The following DESI2 variants were observed in gnomAD, a reference collection of about 807,000 sequenced individuals.
DESI2 encodes deubiquitinase DESI2.
Under a neutral mutation model 24.1 loss-of-function variants are expected in DESI2, and 10 were observed. The observed-to-expected ratio is 0.41, with a 90% CI of 0.26 to 0.70. The LOEUF (loss-of-function observed/expected upper bound fraction) is 0.70, where lower values mean the gene tolerates loss of function less well. Among genes scored for constraint, DESI2 ranks in the 30% least tolerant of loss-of-function variants. The pLI, the probability that DESI2 is intolerant of heterozygous loss-of-function variation, is 0.29. For synonymous variants in DESI2, 71 were observed against 87.7 expected, an observed-to-expected ratio of 0.81 and a Z score of 1.06; for missense variants, 122 against 234.9, an observed-to-expected ratio of 0.52 and a Z score of 3.14.
Position 244,653,195 on chromosome 1 carries a change from C to T in DESI2, c.-119C>T. ...TGCTTCCGCCCCGGCTGCCGCGGGC[C>T]GGGCTGTACGCTTAGTGCCCGGCTC... On this transcript the variant is annotated 5_prime_UTR_variant, in exon 1 of 5. Coordinates refer to ENST00000302550, the MANE Select transcript of DESI2 (RefSeq NM_016076.5). The T allele has an allele frequency of 9.5e-7, 1 of 1,053,676 alleles. No homozygotes were observed. Among genetic ancestry groups the T allele is most frequent in the Non-Finnish European group, 1.3e-6 (1 of 789,812 alleles). 65.3% of individuals were successfully genotyped at this position (1,053,676 alleles called of 1,614,324 possible). A position where few individuals can be genotyped will look rare whatever the true frequency, so the allele number is the denominator to read the frequency against.
At chr1:244,676,031 T>C (rs1676403686) in intron 1 of DESI2, among the ~76,000 whole-genome samples, 2 of 152,158 alleles carry the variant, frequency 1.3e-5, no homozygotes, top group South Asian at 4.1e-4. Context: ...TAAATGGAAT[T>C]TTCTTAATTT....
chr1:244,662,611 T>C (rs1411510951), intron 1 of DESI2, among the ~76,000 whole-genome samples: 1 of 152,134 alleles, frequency 6.6e-6, no homozygotes, highest in Non-Finnish European at 1.5e-5. Context: ...AGAATAAAGC[T>C]AATAAAATAT....
At chr1:244,683,361 G>T (rs1327791645) in intron 1 of DESI2, among the ~76,000 whole-genome samples, 1 of 151,840 alleles carries the variant, frequency 6.6e-6, no homozygotes, top group Middle Eastern at 3.2e-3. Context: ...GCCCAGGCTG[G>T]AGTGCAGTGG....
chr1:244,658,978 G>A (rs1177273410), intron 1 of DESI2, among the ~76,000 whole-genome samples: 1 of 151,446 alleles, frequency 6.6e-6, no homozygotes, highest in Non-Finnish European at 1.5e-5. Flanking sequence ...GTCAGTTCCT[G>A]AATTTTAACA....
At chr1:244,683,733 T>C (rs1036276384) in intron 1 of DESI2, among the ~76,000 whole-genome samples, 2 of 151,970 alleles carry the variant, frequency 1.3e-5, no homozygotes, top group Non-Finnish European at 2.9e-5. Flanking sequence ...TTTGAATTTT[T>C]TTTTAGAGAC....
chr1:244,689,433 C>A lies in DESI2; in HGVS notation c.209+91C>A. 1.6e-6 allele frequency: 1 copy of A among 621,244 alleles called. No homozygotes were observed. Among genetic ancestry groups the A allele is most frequent in the Non-Finnish European group, 2.9e-6 (1 of 348,180 alleles). The allele number at this position is 621,244 out of a possible 1,614,324, so 38.5% of individuals were successfully genotyped here. A position where few individuals can be genotyped will look rare whatever the true frequency, so the allele number is the denominator to read the frequency against. ...AATTCATTCTGTAAATCAAAACAAA[C>A]CCAAGAAGTTAAAAATGTCTCTTTG... On this transcript the variant is annotated intron_variant, in intron 3 of 4. Coordinates refer to ENST00000302550, the MANE Select transcript of DESI2 (RefSeq NM_016076.5). This position sits in a 1 kb window ranked among gnomAD's most constrained non-coding sequence, Gnocchi z 4.0.
chr1:244,695,087 C>G (rs1418982547), intron 4 of DESI2, among the ~76,000 whole-genome samples: 1 of 152,170 alleles, frequency 6.6e-6, no homozygotes, highest in East Asian at 1.9e-4. Flanking sequence ...AAGCTGCCAT[C>G]CTTGGGATGT....
chr1:244,683,436 T>G (rs982263719), intron 1 of DESI2, among the ~76,000 whole-genome samples: 5 of 151,896 alleles, frequency 3.3e-5, no homozygotes, highest in African/African-American at 2.4e-5. Flanking sequence ...CTCAGCCTCC[T>G]GAGTAGCTGG....
intron 4 of DESI2, among the ~76,000 whole-genome samples, chr1:244,694,893 C>G (rs1170980117): frequency 6.6e-6 from 1 of 152,186 alleles, no homozygotes; most frequent in Non-Finnish European, 1.5e-5. Flanking sequence ...TGACCTTTAA[C>G]AGAAAAAGTT....
chr1:244,691,854 C>CTTTTTTTTT (rs761147366), intron 3 of DESI2, 25 bp from the exon 4 acceptor site: 2 of 1,527,500 alleles, frequency 1.3e-6, no homozygotes, highest in Non-Finnish European at 8.8e-7. Context: ...TTTTCTTTCT[C>CTTTTTTTTT]TTTTTTTTCT....
chr1:244,696,788 C>T (rs1456514784), intron 4 of DESI2, among the ~76,000 whole-genome samples: 2 of 152,230 alleles, frequency 1.3e-5, no homozygotes, highest in African/African-American at 4.8e-5. Context: ...ATTCCCAGAA[C>T]TGAGAAGAGT....
chr1:244,693,680 C>T (rs1677108535), intron 4 of DESI2, among the ~76,000 whole-genome samples: 1 of 152,230 alleles, frequency 6.6e-6, no homozygotes, highest in African/African-American at 2.4e-5. Flanking sequence ...ATCCGCCCGC[C>T]TCAGCCTCCC....
intron 1 of DESI2, among the ~76,000 whole-genome samples, chr1:244,655,021 C>T (rs982039761): frequency 3.3e-5 from 5 of 152,156 alleles, no homozygotes; most frequent in African/African-American, 1.2e-4. Flanking sequence ...AACGAAAATG[C>T]ATGTTTTGGC....
chr1:244,668,469 C>G (rs1483327303), intron 1 of DESI2, among the ~76,000 whole-genome samples: 1 of 152,140 alleles, frequency 6.6e-6, no homozygotes, highest in Non-Finnish European at 1.5e-5. Flanking sequence ...CCTGAGCACC[C>G]TTTTTTGAGA....
At position 244,696,683 on chromosome 1, in the gene DESI2, T is replaced by C. The variant is rs144885096; in HGVS notation, c.351+4663T>C. On this transcript the variant is annotated intron_variant, in intron 4 of 4. Coordinates refer to ENST00000302550, the MANE Select transcript of DESI2 (RefSeq NM_016076.5). ...TCCTATACAGAAGAGTTAACTACCA[T>C]CATAGGCCTAAAACTGCTGTCCTTA... Among the ~76,000 whole-genome samples the C allele has an allele frequency of 6.8e-3, 1,035 of 152,304 alleles. 10 individuals are homozygous for C. Among genetic ancestry groups the C allele is most frequent in the African/African-American group, 0.023 (948 of 41,554 alleles).
At chr1:244,663,985 G>A (rs531941676) in intron 1 of DESI2, among the ~76,000 whole-genome samples, 1 of 135,328 alleles carries the variant, frequency 7.4e-6, no homozygotes, top group African/African-American at 2.7e-5. Context: ...GCCACTGCAC[G>A]CCAGCCTGGG....
At chr1:244,684,872 TGG>T (rs946780422) in intron 1 of DESI2, among the ~76,000 whole-genome samples, 18 of 152,204 alleles carry the variant, frequency 1.2e-4, no homozygotes, top group Admixed American at 1.0e-3. Flanking sequence ...GCCCAAACTC[TGG>T]GATTAAATAG....
intron 1 of DESI2, among the ~76,000 whole-genome samples, chr1:244,685,168 T>C (rs528816989): frequency 2.0e-5 from 3 of 152,330 alleles, no homozygotes; most frequent in Admixed American, 6.5e-5. Context: ...TACATTTTTA[T>C]GTAGAATATC....
intron 1 of DESI2, among the ~76,000 whole-genome samples, chr1:244,668,816 T>G (rs1056167516): frequency 2.6e-5 from 4 of 152,194 alleles, no homozygotes; most frequent in African/African-American, 9.6e-5. Context: ...AAACAATACT[T>G]TAAAATAATG....
Sources: gnomAD v4.1 joint callset for allele counts (sites outside exome capture counted in the v4.1 genomes callset) on GRCh38, gnomAD v4.1.1 for gene constraint, Gnocchi (gnomAD v3.1) non-coding constraint, MANE v1.5 for transcripts, NCBI Gene and HGNC (gene_info 2026-07-23, HGNC 2026-07-21) for gene names.